The following MXI1 variants were observed in gnomAD, a reference collection of about 807,000 sequenced individuals.
MXI1 encodes the protein MAX interactor 1, dimerization protein.
A neutral mutation model predicts 36.9 loss-of-function variants in MXI1; 18 were observed. The observed-to-expected ratio is 0.49, with a 90% CI of 0.34 to 0.72. The LOEUF is 0.72. Ranked by LOEUF, MXI1 falls within the 30% of genes least tolerant of loss-of-function variation. The pLI is 0.01. For synonymous variants in MXI1, 160 were observed against 146.7 expected (o/e 1.09, Z -0.65); for missense variants, 304 against 379.1 (o/e 0.80, Z 1.64).
rs908579566 is a variant in MXI1 at position 110,228,125 on chromosome 10, T to C, written c.275-64T>C. On this transcript the variant is annotated intron_variant, in intron 1 of 5. Transcript: ENST00000332674. ...CCTGTTACTGCAAAGACCTCGGATTTGTGGGTCAATGGATTTGGGTACTAT... is the reference window on the plus strand; with the variant it reads ...CCTGTTACTGCAAAGACCTCGGATTCGTGGGTCAATGGATTTGGGTACTAT... 2.5e-6 allele frequency: 4 copies of C among 1,574,410 alleles called. No homozygotes were observed. In the African/African-American group the frequency reaches 4.0e-5, roughly 16 times the overall value.
At chr10:110,264,055 T>G (rs1404575195) in intron 3 of MXI1, among the ~76,000 whole-genome samples, 1 of 151,788 alleles carries the variant, frequency 6.6e-6, no homozygotes, top group East Asian at 1.9e-4. Flanking sequence ...TGGAGCCATT[T>G]TTCTGTTACC....
rs551814451 is a variant in MXI1, at chr10:110,252,385, G to T, written c.437+7528G>T. ...CAAAGTGCACCACTCTATCCCTTCT[G>T]TAGCTCTTCTGACATTGCTTCCTTT... On this transcript the variant is annotated intron_variant, in intron 3 of 5. Transcript: ENST00000332674. Among the ~76,000 whole-genome samples the T allele has an allele frequency of 2.0e-5, 3 of 152,168 alleles. No homozygotes were observed. In the South Asian group the frequency reaches 6.2e-4, roughly 32 times the overall value.
chr10:110,216,663 A>ATTT, intron 1 of MXI1, among the ~76,000 whole-genome samples: 1 of 39,464 alleles, frequency 2.5e-5, no homozygotes, highest in African/African-American at 2.3e-4. Context: ...TCTGTGTTTA[A>ATTT]TGTTTTTTTT....
chr10:110,254,251 C>G (rs754315224), intron 3 of MXI1, among the ~76,000 whole-genome samples: 1 of 152,060 alleles, frequency 6.6e-6, no homozygotes. Flanking sequence ...TCATACGTTA[C>G]GATGATCTGT....
intron 5 of MXI1, among the ~76,000 whole-genome samples, chr10:110,282,039 A>T (rs1478839662): frequency 6.6e-6 from 1 of 152,148 alleles, no homozygotes; most frequent in Non-Finnish European, 1.5e-5. Context: ...TTTTCTCATC[A>T]ACTTTTCGGT....
At chr10:110,253,175 T>G (rs1401930970) in intron 3 of MXI1, among the ~76,000 whole-genome samples, 1 of 152,150 alleles carries the variant, frequency 6.6e-6, no homozygotes, top group African/African-American at 2.4e-5. Flanking sequence ...AAGAATCCTG[T>G]AAAAAATTTC....
intron 1 of MXI1, among the ~76,000 whole-genome samples, chr10:110,222,665 G>C (rs1403111520): frequency 6.6e-6 from 1 of 152,200 alleles, no homozygotes; most frequent in Non-Finnish European, 1.5e-5. Flanking sequence ...GAGACTATGG[G>C]TAGGATTCCA....
intron 1 of MXI1, among the ~76,000 whole-genome samples, chr10:110,212,913 G>A (rs1299819867): frequency 6.6e-6 from 1 of 152,156 alleles, no homozygotes; most frequent in African/African-American, 2.4e-5. Context: ...TAAGAGAAAA[G>A]ATCACTTACA....
At chr10:110,225,897 C>A (rs1164880030) in intron 1 of MXI1, 9 of 566,216 alleles carry the variant, frequency 1.6e-5, no homozygotes, top group Non-Finnish European at 2.0e-5. Flanking sequence ...CAGCCGCGGG[C>A]GGGTGCGGGA....
At chr10:110,271,674 T>C (rs1047387759) in intron 3 of MXI1, among the ~76,000 whole-genome samples, 3 of 152,146 alleles carry the variant, frequency 2.0e-5, no homozygotes, top group Non-Finnish European at 2.9e-5. Flanking sequence ...GAAATGAGGC[T>C]GGAAAGGTGG....
At chr10:110,240,833 A>G (rs1238400216) in intron 2 of MXI1, among the ~76,000 whole-genome samples, 1 of 152,066 alleles carries the variant, frequency 6.6e-6, no homozygotes, top group East Asian at 1.9e-4. Context: ...AAAGTAAGTT[A>G]AATGAAAATG....
intron 1 of MXI1, 147 bp downstream of exon 1, chr10:110,208,229 A>C: frequency 2.6e-6 from 2 of 760,236 alleles, no homozygotes; most frequent in Non-Finnish European, 3.9e-6. Context: ...ACACCGGAGA[A>C]AGGACACGCA....
At chr10:110,221,317 G>A (rs1057018418) in intron 1 of MXI1, among the ~76,000 whole-genome samples, 2 of 152,176 alleles carry the variant, frequency 1.3e-5, no homozygotes, top group African/African-American at 4.8e-5. Context: ...TTTCTCAAGT[G>A]AAAAATGGGG....
intron 2 of MXI1, among the ~76,000 whole-genome samples, chr10:110,241,405 A>G (rs1047331625): frequency 8.0e-4 from 122 of 152,086 alleles, no homozygotes; most frequent in African/African-American, 2.7e-3. Flanking sequence ...GAATATTTCA[A>G]TGGAACATTA....
chr10:110,218,063 A>G (rs1314079783), intron 1 of MXI1, among the ~76,000 whole-genome samples: 6 of 152,340 alleles, frequency 3.9e-5, no homozygotes, highest in East Asian at 1.9e-4. Flanking sequence ...ATAGTGGAGT[A>G]GAGACTAAAA....
At chr10:110,232,036 C>T (rs1855288310) in intron 2 of MXI1, among the ~76,000 whole-genome samples, 1 of 152,078 alleles carries the variant, frequency 6.6e-6, no homozygotes, top group South Asian at 2.1e-4. Context: ...TCTCAGCTCG[C>T]TGCAAGCTCT....
At chr10:110,272,706 T>C (rs912365358) in intron 3 of MXI1, among the ~76,000 whole-genome samples, 3 of 151,248 alleles carry the variant, frequency 2.0e-5, no homozygotes, top group Non-Finnish European at 4.4e-5. Flanking sequence ...ATATTATATA[T>C]TATATGTAAT....
intron 5 of MXI1, among the ~76,000 whole-genome samples, chr10:110,281,860 TAATC>T (rs1340655611): frequency 4.6e-5 from 7 of 152,202 alleles, no homozygotes; most frequent in African/African-American, 1.4e-4. Context: ...CTTTTAATAT[TAATC>T]AATAGGTTCA....
intron 3 of MXI1, among the ~76,000 whole-genome samples, chr10:110,252,581 T>G (rs908160690): frequency 6.6e-6 from 1 of 152,152 alleles, no homozygotes; most frequent in Non-Finnish European, 1.5e-5. Flanking sequence ...CACATTACTT[T>G]TTATGTCGCC....
Sources: gnomAD v4.1 joint callset for allele counts (sites outside exome capture counted in the v4.1 genomes callset) on GRCh38, gnomAD v4.1.1 for gene constraint, MANE v1.5 for transcripts, NCBI Gene and HGNC (gene_info 2026-07-23, HGNC 2026-07-21) for gene names.